Variants in AMBN observed in about 807,000 individuals in gnomAD.
AMBN encodes the protein ameloblastin.
In AMBN, 54 loss-of-function variants were observed where a neutral mutation model predicts 48.0. That is an observed-to-expected ratio of 1.12 (90% confidence interval 0.90 to 1.41). The LOEUF is 1.41. Among genes scored for constraint, AMBN ranks in the 40% most tolerant of loss-of-function variants. The pLI, the probability that AMBN is intolerant of heterozygous loss-of-function variation, is 0.00. For missense variants in AMBN, 571 were observed against 547.3 expected (o/e 1.04, Z -0.43); for synonymous variants, 186 against 190.0 (o/e 0.98, Z 0.17).
At chr4:70,602,026 A>G in intron 6 of AMBN, 1 of 433,838 alleles carries the variant, frequency 2.3e-6, no homozygotes, top group Admixed American at 2.9e-5. Context: ...TCAGCATAAC[A>G]AGTAGGATTT....
rs779874002 is a variant in AMBN at position 70,606,404 on chromosome 4, G to A, written c.1018G>A (p.Ala340Thr). The A allele has an allele frequency of 1.2e-6, 2 of 1,613,992 alleles. No homozygotes were observed. The highest frequency in any genetic ancestry group is 1.7e-6 in the Non-Finnish European group (2 of 1,179,988). The change falls in exon 13 of 13, where the codon GCT (alanine) becomes ACT (threonine). Residue 340 changes from alanine to threonine, a missense_variant. Ala to Thr is a moderately conservative substitution (Grantham distance 58, BLOSUM62 0). Coordinates refer to ENST00000322937, the MANE Select transcript of AMBN (RefSeq NM_016519.6). ...EANPDNLENP[A>T]FLTELEPAPH... ...CAACCCAGACAATCTAGAAAACCCA[G>A]CTTTCCTTACAGAGCTAGAACCTGC...
At chr4:70,593,728 G>T (rs1737327147) in intron 2 of AMBN, among the ~76,000 whole-genome samples, 2 of 152,076 alleles carry the variant, frequency 1.3e-5, no homozygotes, top group Admixed American at 1.3e-4. Context: ...AGCCAGGCGT[G>T]GTGGTGGGCA....
chr4:70,592,792 T>C (rs1017294806), intron 1 of AMBN, among the ~76,000 whole-genome samples: 2 of 152,222 alleles, frequency 1.3e-5, no homozygotes, highest in Non-Finnish European at 2.9e-5. Flanking sequence ...ATAGCCAATT[T>C]ACTCTCATTT....
chr4:70,596,660 GA>G (rs1206863613), intron 2 of AMBN, among the ~76,000 whole-genome samples: 3 of 152,150 alleles, frequency 2.0e-5, no homozygotes, highest in Non-Finnish European at 4.4e-5. Context: ...AATTTTTAAA[GA>G]AAATAAAGTA....
intron 4 of AMBN, among the ~76,000 whole-genome samples, chr4:70,598,607 G>T (rs575681057): frequency 2.6e-5 from 4 of 152,224 alleles, no homozygotes; most frequent in East Asian, 1.9e-4. Flanking sequence ...GTTAAGAAAA[G>T]AATCTTTTCC....
intron 5 of AMBN, among the ~76,000 whole-genome samples, chr4:70,600,644 C>T (rs962001893): frequency 6.6e-6 from 1 of 152,150 alleles, no homozygotes; most frequent in Non-Finnish European, 1.5e-5. Context: ...GAGGAGTTTA[C>T]AATCAATCTA....
rs1737666421 is a variant in AMBN, at chr4:70,606,711, G to A, written c.1325G>A (p.Trp442Ter). The change falls in exon 13 of 13, where the codon TGG becomes TAG. Residue 442 changes from tryptophan (W) to a stop codon, truncating the protein, a stop_gained. Transcript: ENST00000322937. LOFTEE classifies it high-confidence loss of function. The stretch of plus-strand genomic sequence containing the variant: ...GAGCCCGAGATGATGCATGACGCAT[G>A]GCATTTCCAAGAGCCCTGACAGCTC... ...AQEPEMMHDA[W>*]HFQEP is the part of the protein sequence containing the mutation. 6.2e-7 allele frequency: 1 copy of A among 1,612,638 alleles called. No individual in the cohort carries two copies. Among genetic ancestry groups the A allele is most frequent in the Admixed American group, 1.7e-5 (1 of 59,856 alleles).
At chr4:70,606,040 G>A in intron 12 of AMBN, 145 bp from the exon 13 acceptor site, 1 of 882,956 alleles carries the variant, frequency 1.1e-6, no homozygotes, top group Non-Finnish European at 1.7e-6. Flanking sequence ...AGTGAGAAAT[G>A]AGCTTACACA....
chr4:70,606,640 G>A lies in AMBN; in HGVS notation c.1254G>A (p.Met418Ile). The change falls in exon 13 of 13, where the codon ATG becomes ATA. Residue 418 changes from methionine to isoleucine, a missense_variant. Met to Ile is a conservative substitution (Grantham distance 10). Coordinates refer to ENST00000322937, the MANE Select transcript of AMBN (RefSeq NM_016519.6). The stretch of plus-strand genomic sequence containing the variant: ...AAGAAGCAACCATGGATACCACGAT[G>A]GCCCCAAACTCTCTGCAAACATCCA... ...FQEEATMDTT[M>I]APNSLQTSMP... is the part of the protein sequence containing the mutation. 1 of 1,614,090 alleles carries A rather than the reference G, an allele frequency of 6.2e-7. No individual in the cohort carries two copies. Among genetic ancestry groups the A allele is most frequent in the Non-Finnish European group, 8.5e-7 (1 of 1,180,002 alleles).
At chr4:70,600,425 G>A (rs1196672138) in intron 5 of AMBN, among the ~76,000 whole-genome samples, 1 of 152,054 alleles carries the variant, frequency 6.6e-6, no homozygotes, top group Non-Finnish European at 1.5e-5. Context: ...AAACCAAATT[G>A]TGGTTTGGTA....
At position 70,603,307 on chromosome 4, in the gene AMBN, T is replaced by C; in HGVS notation, c.696T>C (p.Asn232=). 6.2e-7 allele frequency: 1 copy of C among 1,613,722 alleles called. No homozygotes were observed. Among genetic ancestry groups the C allele is most frequent in the Non-Finnish European group, 8.5e-7 (1 of 1,179,822 alleles). Residue 232 remains asparagine (N), a synonymous_variant, in exon 10 of 13, where the codon AAT becomes AAC. Coordinates refer to ENST00000322937, the MANE Select transcript of AMBN (RefSeq NM_016519.6). ...RLISHGPMPQ[N]KQSPLYPGML... ...TTTCTCACGGACCAATGCCACAAAA[T>C]AAACAATCTCCAGTAAGTTTTTTTT...
intron 7 of AMBN, 33 bp from the exon 8 acceptor site, chr4:70,602,765 T>C: frequency 2.0e-6 from 3 of 1,518,262 alleles, no homozygotes; most frequent in Non-Finnish European, 2.7e-6. Context: ...GTTCATTTTT[T>C]ACTGATAATT....
intron 6 of AMBN, among the ~76,000 whole-genome samples, 173 bp from the exon 7 acceptor site, chr4:70,602,451 C>T (rs1005793065): frequency 6.6e-6 from 1 of 152,038 alleles, no homozygotes; most frequent in Non-Finnish European, 1.5e-5. Context: ...GTCATACCTC[C>T]CAAAACACTA....
intron 2 of AMBN, among the ~76,000 whole-genome samples, chr4:70,594,789 T>G (rs1737352775): frequency 6.6e-6 from 1 of 152,176 alleles, no homozygotes; most frequent in African/African-American, 2.4e-5. Context: ...TTTGAACCTA[T>G]AATGATCCAC....
intron 6 of AMBN, among the ~76,000 whole-genome samples, chr4:70,602,298 G>A (rs77185575): frequency 0.044 from 6,662 of 152,072 alleles, 155 homozygotes; most frequent in African/African-American, 0.049. Flanking sequence ...GCAGAGCCAG[G>A]GTTCAAACCA....
At chr4:70,606,126 G>C in intron 12 of AMBN, 59 bp from the exon 13 acceptor site, 1 of 1,564,924 alleles carries the variant, frequency 6.4e-7, no homozygotes, top group South Asian at 1.2e-5. Context: ...AGGTATAGCT[G>C]CATGGTATAG....
chr4:70,606,154 T>C (rs1236576833), intron 12 of AMBN, 31 bp from the exon 13 acceptor site: 5 of 1,610,296 alleles, frequency 3.1e-6, no homozygotes, highest in Non-Finnish European at 3.4e-6. Flanking sequence ...CATGTGATGA[T>C]GGCATCTTTG....
chr4:70,603,446 G>C lies in AMBN; in HGVS notation c.739G>C (p.Gly247Arg), dbSNP rs1479905595. The part of the protein sequence containing the change: ...LYPGMLYVPF[G>R]ANQLNAPARL... The stretch of plus-strand genomic sequence containing the variant: ...TCCAGGAATGTTGTACGTGCCTTTT[G>C]GAGCAAATCAATTGGTAAGTCCATA... The change falls in exon 11 of 13, where the codon GGA (glycine) becomes CGA (arginine). Residue 247 changes from glycine (G) to arginine (R), a missense_variant. Transcript: ENST00000322937. The C allele has an allele frequency of 1.2e-6, 2 of 1,612,300 alleles. No homozygotes were observed. Among genetic ancestry groups the C allele is most frequent in the East Asian group, 2.2e-5 (1 of 44,802 alleles).
At chr4:70,601,059 G>A (rs1737509588) in intron 5 of AMBN, among the ~76,000 whole-genome samples, 1 of 152,050 alleles carries the variant, frequency 6.6e-6, no homozygotes, top group African/African-American at 2.4e-5. Context: ...GTTGACTGGG[G>A]GACAAAGATT....
Sources: gnomAD v4.1 joint callset for allele counts (sites outside exome capture counted in the v4.1 genomes callset) on GRCh38, gnomAD v4.1.1 for gene constraint, MANE v1.5 for transcripts, NCBI Gene and HGNC (gene_info 2026-07-23, HGNC 2026-07-21) for gene names.